CDK14: variants seen among roughly 807,000 people sequenced by gnomAD.
CDK14 encodes the protein cyclin-dependent kinase 14.
A neutral mutation model predicts 60.7 loss-of-function variants in CDK14; 34 were observed. The ratio of observed to expected loss-of-function variants is 0.56; its 90% CI spans 0.43 to 0.75. The LOEUF (loss-of-function observed/expected upper bound fraction) is 0.75. Ranked by LOEUF, CDK14 falls within the 30% of genes least tolerant of loss-of-function variation. The pLI is 0.00. For synonymous variants in CDK14, 197 were observed against 203.7 expected, an observed-to-expected ratio of 0.97 and a Z score of 0.28; for missense variants, 482 against 564.1, an observed-to-expected ratio of 0.85 and a Z score of 1.47.
intron 9 of CDK14, among the ~76,000 whole-genome samples, chr7:90,968,209 T>TA (rs1220378038): frequency 6.6e-6 from 1 of 152,108 alleles, no homozygotes; most frequent in Admixed American, 6.6e-5. Flanking sequence ...TGTGGGTTTT[T>TA]AAAAAAAATT....
intron 12 of CDK14, among the ~76,000 whole-genome samples, chr7:91,090,946 C>G (rs143932968): frequency 6.6e-6 from 1 of 151,704 alleles, no homozygotes; most frequent in African/African-American, 2.4e-5. Flanking sequence ...TAAAATGTGT[C>G]GGGCTACATA....
chr7:91,028,197 C>A (rs923676053), intron 10 of CDK14, among the ~76,000 whole-genome samples: 1 of 151,348 alleles, frequency 6.6e-6, no homozygotes, highest in African/African-American at 2.4e-5. Context: ...GCCTCCAGTT[C>A]CATCCAAGTT....
chr7:90,819,476 C>T (rs1789468193), intron 5 of CDK14, among the ~76,000 whole-genome samples: 1 of 151,384 alleles, frequency 6.6e-6, no homozygotes, highest in Non-Finnish European at 1.5e-5. Flanking sequence ...TTTTACATTT[C>T]CCTTTGGAGT....
chr7:90,602,951 GTATGTATCC>G (rs1288748097), intron 1 of CDK14, among the ~76,000 whole-genome samples: 1 of 152,182 alleles, frequency 6.6e-6, no homozygotes, highest in Admixed American at 6.5e-5. Context: ...GATTGTTAGA[GTATGTATCC>G]TAAGCTTTTC....
intron 6 of CDK14, among the ~76,000 whole-genome samples, chr7:90,876,964 C>A (rs1041117731): frequency 6.6e-6 from 1 of 152,082 alleles, no homozygotes; most frequent in African/African-American, 2.4e-5. Flanking sequence ...ATTTTAGGCA[C>A]AAGAGCAGTG....
At chr7:91,078,452 C>G (rs998300089) in intron 11 of CDK14, among the ~76,000 whole-genome samples, 1 of 152,058 alleles carries the variant, frequency 6.6e-6, no homozygotes, top group African/African-American at 2.4e-5. Flanking sequence ...ACTAAAAATA[C>G]AAAAATTAGC....
intron 2 of CDK14, among the ~76,000 whole-genome samples, chr7:90,686,575 T>C (rs1164560186): frequency 6.6e-6 from 1 of 152,198 alleles, no homozygotes. Flanking sequence ...GACACTATTA[T>C]CTTAGTAAAA....
chr7:90,796,249 T>C (rs1788422978), intron 5 of CDK14, among the ~76,000 whole-genome samples: 2 of 152,122 alleles, frequency 1.3e-5, no homozygotes, highest in South Asian at 4.1e-4. Context: ...AAATCTGATA[T>C]TCAGATAGGA....
intron 4 of CDK14, among the ~76,000 whole-genome samples, chr7:90,767,948 A>G (rs564837411): frequency 3.3e-5 from 5 of 152,070 alleles, no homozygotes; most frequent in Non-Finnish European, 7.4e-5. Flanking sequence ...ACTCTTGCCA[A>G]TTTTTCATTA....
intron 9 of CDK14, among the ~76,000 whole-genome samples, chr7:90,958,428 C>T (rs1794498691): frequency 6.6e-6 from 1 of 152,044 alleles, no homozygotes; most frequent in African/African-American, 2.4e-5. Flanking sequence ...AATCTAATAC[C>T]ATTTTAATGA....
intron 14 of CDK14, among the ~76,000 whole-genome samples, chr7:91,201,030 T>C (rs1165917316): frequency 6.6e-6 from 1 of 152,198 alleles, no homozygotes; most frequent in Non-Finnish European, 1.5e-5. Flanking sequence ...ACCTGGATTA[T>C]TTATTTTTAT....
rs866852888 is a variant in CDK14, at chr7:91,003,308, A to T, written c.1041+19067A>T. On this transcript the variant is annotated intron_variant, in intron 10 of 14. Transcript: ENST00000380050. ...GTTTTCCACCATACTAGTCCTAGTC[A>T]TCATTATGTCTCACCTGGTCACTGT... is the stretch of plus-strand genomic sequence containing the variant. Among the ~76,000 whole-genome samples the T allele has an allele frequency of 7.2e-5, 11 of 152,228 alleles. No individual in the cohort carries two copies. The Middle Eastern group carries it at 0.01, about 141-fold the overall frequency.
At chr7:91,099,162 T>C (rs912248036) in intron 12 of CDK14, among the ~76,000 whole-genome samples, 1 of 152,156 alleles carries the variant, frequency 6.6e-6, no homozygotes, top group African/African-American at 2.4e-5. Context: ...AAAGGCTAGG[T>C]AGCCACCATT....
chr7:91,079,883 A>C (rs1428892220), intron 12 of CDK14, among the ~76,000 whole-genome samples: 1 of 152,212 alleles, frequency 6.6e-6, no homozygotes, highest in African/African-American at 2.4e-5. Flanking sequence ...TTCACTTCGC[A>C]TATTTTTCCC....
At chr7:90,776,448 T>G (rs571932310) in intron 4 of CDK14, among the ~76,000 whole-genome samples, 1 of 152,188 alleles carries the variant, frequency 6.6e-6, no homozygotes, top group Non-Finnish European at 1.5e-5. Flanking sequence ...TTAAAGTCTC[T>G]CAAAACCGAA....
intron 12 of CDK14, among the ~76,000 whole-genome samples, chr7:91,091,508 T>TATATATATATATATATATATATATAC (rs1798824775): frequency 1.5e-5 from 2 of 137,360 alleles, no homozygotes; most frequent in Non-Finnish European, 3.1e-5. Context: ...ATTTTATATA[T>TATATATATATATATATATATATATAC]ATATATATAA....
chr7:90,775,259 G>A (rs760727106), intron 4 of CDK14, among the ~76,000 whole-genome samples: 3 of 152,152 alleles, frequency 2.0e-5, no homozygotes, highest in Admixed American at 6.5e-5. Context: ...TTCTCATCGC[G>A]ATGCTGTATA....
At chr7:90,825,025 G>A (rs1010129113) in intron 5 of CDK14, among the ~76,000 whole-genome samples, 3 of 152,178 alleles carry the variant, frequency 2.0e-5, no homozygotes, top group Non-Finnish European at 2.9e-5. Flanking sequence ...ATCATGAAAG[G>A]TTACCTTTGG....
At chr7:91,021,616 C>G (rs1796436691) in intron 10 of CDK14, among the ~76,000 whole-genome samples, 1 of 152,146 alleles carries the variant, frequency 6.6e-6, no homozygotes, top group Admixed American at 6.5e-5. Flanking sequence ...TTGAAATTAA[C>G]CTAAATAGAT....
Sources: gnomAD v4.1 joint callset for allele counts (sites outside exome capture counted in the v4.1 genomes callset) on GRCh38, gnomAD v4.1.1 for gene constraint, MANE v1.5 for transcripts, NCBI Gene and HGNC (gene_info 2026-07-23, HGNC 2026-07-21) for gene names.